CNTROB: variants seen among roughly 807,000 people sequenced by gnomAD.
The protein encoded by CNTROB is centrobin.
Under a neutral mutation model 115.7 loss-of-function variants are expected in CNTROB, and 82 were observed. The ratio of observed to expected loss-of-function variants is 0.71; its 90% CI spans 0.59 to 0.85. CNTROB has a LOEUF of 0.85. Among genes scored for constraint, CNTROB ranks in the 40% least tolerant of loss-of-function variants. The pLI is 0.00. For synonymous variants in CNTROB, 439 were observed against 456.4 expected (o/e 0.96, Z 0.49); for missense variants, 1,014 against 1,144.4 (o/e 0.89, Z 1.64).
rs537043798 is a variant in CNTROB, at chr17:7,945,660, T to A, written c.1735-68T>A. On this transcript the variant is annotated intron_variant, in intron 12 of 18. Coordinates refer to ENST00000563694, the MANE Select transcript of CNTROB (RefSeq NM_053051.5). ...GAAATTTATAATCTTATTAAAGTGT[T>A]TGTACCATGTCTTATCTCTTTAAAC... is the stretch of plus-strand genomic sequence containing the variant. 34 of 1,492,924 alleles carry A rather than the reference T, an allele frequency of 2.3e-5. No individual in the cohort carries two copies. In the East Asian group the frequency reaches 7.5e-4, roughly 33 times the overall value. 92.5% of individuals were successfully genotyped at this position (1,492,924 alleles called of 1,614,324 possible). A position where few individuals can be genotyped will look rare whatever the true frequency, so the allele number is the denominator to read the frequency against.
chr17:7,945,564 C>G (rs1341290457), intron 12 of CNTROB, 164 bp from the exon 13 acceptor site: 2 of 705,156 alleles, frequency 2.8e-6, no homozygotes, highest in African/African-American at 3.6e-5. Context: ...GTTGCCAAGC[C>G]TGGTTCAAAC....
At chr17:7,934,395 T>TA in intron 2 of CNTROB, 70 bp from the exon 3 acceptor site, 1 of 1,468,092 alleles carries the variant, frequency 6.8e-7, no homozygotes. Context: ...GGAAGGCCTT[T>TA]TCTCTTCAGG....
upstream of CNTROB, chr17:7,932,116 G>C: frequency 2.0e-6 from 1 of 502,382 alleles, no homozygotes; most frequent in South Asian, 2.3e-5. Flanking sequence ...CGCGCGGCCA[G>C]GCGCTCGGGA....
chr17:7,948,968 T>C lies in CNTROB; in HGVS notation c.2514-117T>C. 6.3e-7 allele frequency: 1 copy of C among 1,587,770 alleles called. No homozygotes were observed. Among genetic ancestry groups the C allele is most frequent in the Non-Finnish European group, 8.6e-7 (1 of 1,165,184 alleles). On this transcript the variant is annotated intron_variant, in intron 17 of 18. Coordinates refer to ENST00000563694, the MANE Select transcript of CNTROB (RefSeq NM_053051.5). This position sits in a 1 kb window ranked among gnomAD's most constrained non-coding sequence, Gnocchi z 4.4. ...TGTCTCCTCCCAGTTGATGCCCAGGTCTATCGAGTTTGATCTTATTCTTAA... is the reference window on the plus strand; with the variant it reads ...TGTCTCCTCCCAGTTGATGCCCAGGCCTATCGAGTTTGATCTTATTCTTAA...
At chr17:7,933,490 C>A in intron 1 of CNTROB, 141 bp downstream of exon 1, 1 of 908,850 alleles carries the variant, frequency 1.1e-6, no homozygotes, top group Non-Finnish European at 1.6e-6. Context: ...GCATAGGCAG[C>A]CATGCTTATA....
chr17:7,938,001 G>GGTT (rs1555625563), intron 7 of CNTROB, among the ~76,000 whole-genome samples: 6 of 104,310 alleles, frequency 5.8e-5, no homozygotes, highest in African/African-American at 1.6e-4. Flanking sequence ...TTCTTTTCGT[G>GGTT]TTTTTTTTTT....
chr17:7,941,180 C>T (rs1973813563), intron 9 of CNTROB, among the ~76,000 whole-genome samples: 1 of 138,770 alleles, frequency 7.2e-6, no homozygotes, highest in Non-Finnish European at 1.5e-5. Flanking sequence ...TTATGGGCCT[C>T]TGTTTTTATG....
In CNTROB at chr17:7,943,593, C is replaced by T. The variant is rs1974172459; in HGVS notation, c.1445+69C>T. ...GTATCGTTAGTGCCAGGCCTGTGTT[C>T]CCTTCAATCCCTTTGCCATGGTCCA... is the stretch of plus-strand genomic sequence containing the variant. On this transcript the variant is annotated intron_variant, in intron 10 of 18. Transcript: ENST00000563694. This position sits in a 1 kb window ranked among gnomAD's most constrained non-coding sequence, Gnocchi z 4.7. 1.3e-6 allele frequency: 2 copies of T among 1,499,632 alleles called. No homozygotes were observed. The highest frequency in any genetic ancestry group is 2.5e-5 in the South Asian group (2 of 78,614). 92.9% of individuals were successfully genotyped at this position (1,499,632 alleles called of 1,614,324 possible).
At position 7,945,740 on chromosome 17, in the gene CNTROB, G is replaced by A. The variant is rs1425087289; in HGVS notation, c.1747G>A (p.Gly583Arg). 1.2e-6 allele frequency: 2 copies of A among 1,614,128 alleles called. No homozygotes were observed. The highest frequency in any genetic ancestry group is 4.5e-5 in the East Asian group (2 of 44,878). The change falls in exon 13 of 19, where the codon GGA becomes AGA. Residue 583 changes from glycine to arginine, a missense_variant. Transcript: ENST00000563694. ...CTCTCCTGGTCAGGCTCCTCCTGCT[G>A]GACCCTCCAGCCCCGGGCCTCAGGA... ...PPPNPPAPPAGPSSPGPQEPE... is the reference protein window; with the variant it reads ...PPPNPPAPPARPSSPGPQEPE...
chr17:7,949,546 G>A lies in CNTROB; in HGVS notation c.*36G>A. 6.4e-7 allele frequency: 1 copy of A among 1,559,904 alleles called. No individual in the cohort carries two copies. ...CCTCTCTCCTCTTTGTTCTCTCATTGTTGTTATTTTAATAAATGCTCATTA... is the reference window on the plus strand; with the variant it reads ...CCTCTCTCCTCTTTGTTCTCTCATTATTGTTATTTTAATAAATGCTCATTA... On this transcript the variant is annotated 3_prime_UTR_variant, in exon 19 of 19. Coordinates refer to ENST00000563694, the MANE Select transcript of CNTROB (RefSeq NM_053051.5).
Position 7,933,000 on chromosome 17 carries a change from C to T in CNTROB, c.-80C>T. 4.8e-6 allele frequency: 7 copies of T among 1,458,516 alleles called. No individual in the cohort carries two copies. Among genetic ancestry groups the T allele is most frequent in the African/African-American group, 1.4e-5 (1 of 70,870 alleles). The allele number at this position is 1,458,516 out of a possible 1,614,324, so 90.3% of individuals were successfully genotyped here. A position where few individuals can be genotyped will look rare whatever the true frequency, so the allele number is the denominator to read the frequency against. ...TCCTCCCTTCTCCCAAGTCTTTCTCCGTGAACTTTTCCTCCTGGACTTTGC... is the reference window on the plus strand; with the variant it reads ...TCCTCCCTTCTCCCAAGTCTTTCTCTGTGAACTTTTCCTCCTGGACTTTGC... On this transcript the variant is annotated 5_prime_UTR_variant, in exon 1 of 19. Transcript: ENST00000563694.
intron 9 of CNTROB, among the ~76,000 whole-genome samples, chr17:7,942,787 ATTTTTTT>A (rs71159534): frequency 2.8e-5 from 1 of 35,786 alleles, no homozygotes; most frequent in Non-Finnish European, 5.0e-5. Context: ...TACTCAGGGT[ATTTTTTT>A]TTTTTTTTTT....
rs1338280251 is a variant in CNTROB, at chr17:7,943,762, T to C, written c.1445+238T>C. Among the ~76,000 whole-genome samples, 3 of 152,156 alleles carry C rather than the reference T, an allele frequency of 2.0e-5. No individual in the cohort carries two copies. The highest frequency in any genetic ancestry group is 7.2e-5 in the African/African-American group (3 of 41,428). On this transcript the variant is annotated intron_variant, in intron 10 of 18. Transcript: ENST00000563694. This position sits in a 1 kb window ranked among gnomAD's most constrained non-coding sequence, Gnocchi z 4.7. ...GGAGTAGCCCTTAACCAAGAACTGA[T>C]GGGTGCAGAATGATAGATGGTCCAG...
Position 7,936,788 on chromosome 17 carries a change from G to T in CNTROB, c.799G>T (p.Ala267Ser), listed in dbSNP as rs753961644. The change falls in exon 6 of 19, where the codon GCA becomes TCA. Residue 267 changes from alanine (A) to serine (S), a missense_variant. Ala to Ser is a moderately conservative substitution (Grantham distance 99). Transcript: ENST00000563694. ...GGGACTTCAAGAGGAACACCAGGCA[G>T]CAGAGCTCACCAGAAGCAAGCAGCA... ...LRGLQEEHQA[A>S]ELTRSKQQET... The T allele has an allele frequency of 6.0e-6, 9 of 1,502,274 alleles. No individual in the cohort carries two copies. In the Admixed American group the frequency reaches 1.0e-4, roughly 17 times the overall value. 93.1% of individuals were successfully genotyped at this position (1,502,274 alleles called of 1,614,324 possible).
In CNTROB at chr17:7,947,140, G is replaced by A. The variant is rs534600162; in HGVS notation, c.1994-431G>A. 4.8e-5 allele frequency among the ~76,000 whole-genome samples: 7 copies of A among 145,072 alleles called. No individual in the cohort carries two copies. In the East Asian group the frequency reaches 1.4e-3, roughly 30 times the overall value. On this transcript the variant is annotated intron_variant, in intron 13 of 18. Transcript: ENST00000563694. ...CGCGCCGCTGCACTTCAGCCTGGGC[G>A]ACAGAGCGAGACTCCATCTCAAAAA...
intron 13 of CNTROB, among the ~76,000 whole-genome samples, chr17:7,947,030 A>C (rs369493767): frequency 6.6e-6 from 1 of 151,930 alleles, no homozygotes; most frequent in African/African-American, 2.4e-5. Context: ...GCGTGGTGGC[A>C]GGCATCTGTA....
Position 7,948,139 on chromosome 17 carries a change from A to G in CNTROB, c.2210-18A>G, listed in dbSNP as rs779056912. The G allele has an allele frequency of 1.3e-5, 21 of 1,613,798 alleles. No homozygotes were observed. Among genetic ancestry groups the G allele is most frequent in the Non-Finnish European group, 1.7e-5 (20 of 1,179,904 alleles). On this transcript the variant is annotated intron_variant, in intron 15 of 18. Transcript: ENST00000563694. This position sits in a 1 kb window ranked among gnomAD's most constrained non-coding sequence, Gnocchi z 4.4. ...TATGCCCCATTTCCTGATTCTTGGCATTCTTTCCTTTTGCTAGGTCCTCTG... is the reference window on the plus strand; with the variant it reads ...TATGCCCCATTTCCTGATTCTTGGCGTTCTTTCCTTTTGCTAGGTCCTCTG...
chr17:7,943,988 C>T lies in CNTROB; in HGVS notation c.1446-135C>T, dbSNP rs548745424. 65 of 658,630 alleles carry T rather than the reference C, an allele frequency of 9.9e-5. No homozygotes were observed. In the Middle Eastern group the frequency reaches 1.4e-3, roughly 14 times the overall value. 40.8% of individuals were successfully genotyped at this position (658,630 alleles called of 1,614,324 possible). ...CCTAAGACCCCAGCTTTGTCCTTGC[C>T]GCTTCCTGTGCCATGGCCAGGCTAG... is the stretch of plus-strand genomic sequence containing the variant. On this transcript the variant is annotated intron_variant, in intron 10 of 18. Coordinates refer to ENST00000563694, the MANE Select transcript of CNTROB (RefSeq NM_053051.5). This position sits in a 1 kb window ranked among gnomAD's most constrained non-coding sequence, Gnocchi z 4.7.
At position 7,947,996 on chromosome 17, in the gene CNTROB, A is replaced by C. The variant is rs1277519137; in HGVS notation, c.2209+17A>C. 2 of 1,611,082 alleles carry C rather than the reference A, an allele frequency of 1.2e-6. No individual in the cohort carries two copies. The highest frequency in any genetic ancestry group is 1.7e-6 in the Non-Finnish European group (2 of 1,177,412). ...CTAAGTCTGGTGAGTTCCAACTCTGAAGAAGGTTGGGGCTGGGGCCTAGGA... is the reference window on the plus strand; with the variant it reads ...CTAAGTCTGGTGAGTTCCAACTCTGCAGAAGGTTGGGGCTGGGGCCTAGGA... On this transcript the variant is annotated intron_variant, in intron 15 of 18. Transcript: ENST00000563694.
Sources: gnomAD v4.1 joint callset for allele counts (sites outside exome capture counted in the v4.1 genomes callset) on GRCh38, gnomAD v4.1.1 for gene constraint, Gnocchi (gnomAD v3.1) non-coding constraint, MANE v1.5 for transcripts, NCBI Gene and HGNC (gene_info 2026-07-23, HGNC 2026-07-21) for gene names.